MEX3D: variants seen among roughly 807,000 people sequenced by gnomAD.
MEX3D encodes RNA-binding protein MEX3D.
A neutral mutation model predicts 6.3 loss-of-function variants in MEX3D; 4 were observed. The observed-to-expected ratio is 0.64, with a 90% CI of 0.31 to 1.46. The LOEUF is 1.46. Among genes scored for constraint, MEX3D ranks in the 40% most tolerant of loss-of-function variants. MEX3D has a pLI of 0.07. For synonymous variants in MEX3D, 626 were observed against 494.1 expected (o/e 1.27, Z -3.54); for missense variants, 1,038 against 994.4 (o/e 1.04, Z -0.59).
chr19:1,562,917 C>T (rs1307203889), intron 1 of MEX3D, among the ~76,000 whole-genome samples: 1 of 152,036 alleles, frequency 6.6e-6, no homozygotes, highest in Non-Finnish European at 1.5e-5. Flanking sequence ...ACTCGGGAGG[C>T]TGAGGTGAAA....
At position 1,555,863 on chromosome 19, in the gene MEX3D, G is replaced by GAAGGAT. The variant is rs1914526384; in HGVS notation, c.1650_1655dup (p.Ser551_Phe552insLeuSer). 1 of 1,329,286 alleles carries GAAGGAT rather than the reference G, an allele frequency of 7.5e-7. No homozygotes were observed. Among genetic ancestry groups the GAAGGAT allele is most frequent in the African/African-American group, 1.6e-5 (1 of 63,590 alleles). 82.3% of individuals were successfully genotyped at this position (1,329,286 alleles called of 1,614,324 possible). On this transcript the variant is annotated inframe_insertion, in exon 2 of 2. Coordinates refer to ENST00000402693, the MANE Select transcript of MEX3D (RefSeq NM_203304.4). Reference sequence around the variant, plus strand: ...CCGTGGAGAAGGCGGCGCCGCCTGGGAAGGATACGGGGCCCTGCGGGGGTC... The same window carrying GAAGGAT: ...CCGTGGAGAAGGCGGCGCCGCCTGGGAAGGATAAGGATACGGGGCCCTGCGGGGGTC...
intron 1 of MEX3D, among the ~76,000 whole-genome samples, chr19:1,561,561 A>G (rs1489641754): frequency 1.3e-5 from 2 of 152,168 alleles, no homozygotes; most frequent in Non-Finnish European, 2.9e-5. Context: ...GGCCAGGAAC[A>G]GTGGCTCACA....
Position 1,556,799 on chromosome 19 carries a change from G to A in MEX3D, c.720C>T (p.Ile240=). ...TGGAGAAGTGTTCGGCCGCCGACAG[G>A]ATCTCACGCTTGGCCATCTCCACGT... The part of the protein sequence containing the change: ...KEDVEMAKRE[I]LSAAEHFSII... The change falls in exon 2 of 2, where the codon ATC becomes ATT. Residue 240 remains isoleucine (I), a synonymous_variant. Transcript: ENST00000402693. This position sits in a 1 kb window ranked among gnomAD's most constrained non-coding sequence, Gnocchi z 7.5. The A allele has an allele frequency of 6.2e-7, 1 of 1,612,634 alleles. No homozygotes were observed. The highest frequency in any genetic ancestry group is 8.5e-7 in the Non-Finnish European group (1 of 1,179,802).
At position 1,555,448 on chromosome 19, in the gene MEX3D, CTCGGCCTCCG is replaced by C; in HGVS notation, c.*105_*114del. ...TGGCCGCCGCCCACCCCCCTGCCCC[CTCGGCCTCCG>C]CCCCTCGCCCCCTCCCCGTCCCTCT... On this transcript the variant is annotated 3_prime_UTR_variant, in exon 2 of 2. Transcript: ENST00000402693. 3.5e-6 allele frequency: 5 copies of C among 1,447,250 alleles called. No homozygotes were observed. Among genetic ancestry groups the C allele is most frequent in the African/African-American group, 1.5e-5 (1 of 68,712 alleles). The allele number at this position is 1,447,250 out of a possible 1,614,324, so 89.7% of individuals were successfully genotyped here.
chr19:1,566,603 G>A (rs998821070), intron 1 of MEX3D, among the ~76,000 whole-genome samples: 2 of 152,096 alleles, frequency 1.3e-5, no homozygotes, highest in African/African-American at 4.8e-5. Flanking sequence ...GAAGGCAGGA[G>A]AAAGTTGAGG....
Position 1,556,640 on chromosome 19 carries a change from G to C in MEX3D, c.879C>G (p.Gly293=). Residue 293 remains glycine (G), a synonymous_variant, in exon 2 of 2, where the codon GGC becomes GGG. Coordinates refer to ENST00000402693, the MANE Select transcript of MEX3D (RefSeq NM_203304.4). This position sits in a 1 kb window ranked among gnomAD's most constrained non-coding sequence, Gnocchi z 7.5. ...GCTGCTGGATGCGCTTGATGGTGGC[G>C]CCCTTGGGCCCCACCACCAGCCCCA... The part of the protein sequence containing the change: ...RVVGLVVGPK[G]ATIKRIQQRT... The C allele has an allele frequency of 6.2e-7, 1 of 1,610,448 alleles. No homozygotes were observed. Among genetic ancestry groups the C allele is most frequent in the Non-Finnish European group, 8.5e-7 (1 of 1,179,112 alleles).
Position 1,567,375 on chromosome 19 carries a change from C to CGGGCT in MEX3D, c.595+84_595+88dup, listed in dbSNP as rs1914868500. On this transcript the variant is annotated intron_variant, in intron 1 of 1. Coordinates refer to ENST00000402693, the MANE Select transcript of MEX3D (RefSeq NM_203304.4). This position sits in a 1 kb window ranked among gnomAD's most constrained non-coding sequence, Gnocchi z 6.5. ...CGTGTCCGGTGCGGGGCGTCCGGCG[C>CGGGCT]GGGCTGGGCTGGGCTCGGGCGACCC... The CGGGCT allele has an allele frequency of 2.2e-6, 3 of 1,351,398 alleles. No individual in the cohort carries two copies. Among genetic ancestry groups the CGGGCT allele is most frequent in the East Asian group, 3.1e-5 (1 of 31,900 alleles). The allele number at this position is 1,351,398 out of a possible 1,614,324, so 83.7% of individuals were successfully genotyped here. A position where few individuals can be genotyped will look rare whatever the true frequency, so the allele number is the denominator to read the frequency against.
At chr19:1,562,195 A>G (rs1391851763) in intron 1 of MEX3D, among the ~76,000 whole-genome samples, 1 of 148,776 alleles carries the variant, frequency 6.7e-6, no homozygotes, top group Non-Finnish European at 1.5e-5. Flanking sequence ...TGGGAGATGG[A>G]GGTTGCAGTG....
Position 1,567,431 on chromosome 19 carries a change from C to G in MEX3D, c.595+33G>C, listed in dbSNP as rs748756642. The G allele has an allele frequency of 1.3e-6, 2 of 1,547,084 alleles. No homozygotes were observed. Among genetic ancestry groups the G allele is most frequent in the East Asian group, 5.4e-5 (2 of 37,300 alleles). ...CCCGGGGCGGACGGTGCGGGGACCCCCAGGACAGCAACCCCCGACGAGGGC... is the reference window on the plus strand; with the variant it reads ...CCCGGGGCGGACGGTGCGGGGACCCGCAGGACAGCAACCCCCGACGAGGGC... On this transcript the variant is annotated intron_variant, in intron 1 of 1. Transcript: ENST00000402693. This position sits in a 1 kb window ranked among gnomAD's most constrained non-coding sequence, Gnocchi z 6.5.
At chr19:1,559,838 G>A (rs2145572325) in intron 1 of MEX3D, among the ~76,000 whole-genome samples, 1 of 152,200 alleles carries the variant, frequency 6.6e-6, no homozygotes, top group East Asian at 1.9e-4. Context: ...GGGTGGCGGG[G>A]GTGCACCCAC....
chr19:1,562,836 G>A (rs1475543887), intron 1 of MEX3D, among the ~76,000 whole-genome samples: 3 of 151,982 alleles, frequency 2.0e-5, no homozygotes, highest in African/African-American at 4.8e-5. Context: ...CCAACATGGC[G>A]AAACCCCGTC....
chr19:1,561,359 C>T (rs775676013), intron 1 of MEX3D, among the ~76,000 whole-genome samples: 2 of 152,180 alleles, frequency 1.3e-5, no homozygotes, highest in Non-Finnish European at 2.9e-5. Flanking sequence ...AGAAGCAGGA[C>T]GGGGCGAGAA....
intron 1 of MEX3D, among the ~76,000 whole-genome samples, chr19:1,566,214 C>G (rs992184256): frequency 6.6e-5 from 10 of 152,174 alleles, no homozygotes; most frequent in Admixed American, 1.3e-4. Context: ...CCCAGTCCCT[C>G]CCCACCCACC....
At chr19:1,561,866 G>C (rs1207265503) in intron 1 of MEX3D, among the ~76,000 whole-genome samples, 1 of 152,010 alleles carries the variant, frequency 6.6e-6, no homozygotes, top group African/African-American at 2.4e-5. Context: ...AGGCTGGTCT[G>C]GAACTCTTGG....
rs1914912218 is a variant in MEX3D at position 1,568,303 on chromosome 19, T to TCGGCGGCCGAGG, written c.-257_-246dup. ...CGGCGGCGACGGCGGCGGCGGCTCC[T>TCGGCGGCCGAGG]CGGCGGCCGAGGCGGCGGCGGCGGC... On this transcript the variant is annotated 5_prime_UTR_variant, in exon 1 of 2. Transcript: ENST00000402693. Among the ~76,000 whole-genome samples, 1 of 133,546 alleles carries TCGGCGGCCGAGG rather than the reference T, an allele frequency of 7.5e-6. No individual in the cohort carries two copies. The highest frequency in any genetic ancestry group is 2.6e-4 in the East Asian group (1 of 3,842). The allele number at this position is 133,546 out of a possible 152,430, so 87.6% of individuals were successfully genotyped here. A position where few individuals can be genotyped will look rare whatever the true frequency, so the allele number is the denominator to read the frequency against.
chr19:1,567,746 CG>C lies in MEX3D; in HGVS notation c.312del (p.Asp105ThrfsTer63). 9.5e-6 allele frequency: 9 copies of C among 951,868 alleles called. No individual in the cohort carries two copies. The highest frequency in any genetic ancestry group is 1.1e-5 in the Non-Finnish European group (9 of 800,510). The allele number at this position is 951,868 out of a possible 1,614,324, so 59.0% of individuals were successfully genotyped here. A position where few individuals can be genotyped will look rare whatever the true frequency, so the allele number is the denominator to read the frequency against. On this transcript the variant is annotated frameshift_variant, in exon 1 of 2. Coordinates refer to ENST00000402693, the MANE Select transcript of MEX3D (RefSeq NM_203304.4). LOFTEE classifies it high-confidence loss of function. The surrounding 1 kb of genome is among the most constrained non-coding windows in gnomAD (Gnocchi z 6.5). ...DGGAAPEPVP[P>X]DGPEAGAPPT... ...GGGGGCGCGCCGGCCTCAGGTCCGT[CG>C]GGGGGCACAGGCTCCGGAGCCGCCC...
chr19:1,557,150 G>C (rs1050738878), intron 1 of MEX3D, among the ~76,000 whole-genome samples: 8 of 152,208 alleles, frequency 5.3e-5, no homozygotes, highest in African/African-American at 1.4e-4. Flanking sequence ...CCTGTTTTAG[G>C]TTGAAAGGTG....
intron 1 of MEX3D, among the ~76,000 whole-genome samples, chr19:1,557,945 G>A (rs1914618567): frequency 6.9e-6 from 1 of 144,652 alleles, no homozygotes; most frequent in African/African-American, 2.6e-5. Context: ...CCCAGCCACT[G>A]GGGAGGGCTG....
rs749058142 is a variant in MEX3D, at chr19:1,556,326, G to T, written c.1193C>A (p.Ala398Asp). ...AGLRGDTALG[A>D]PSAPEAFYAG... Reference sequence around the variant, plus strand: ...GTAGAAGGCCTCGGGGGCGCTGGGGGCGCCCAGGGCCGTGTCCCCGCGGAG... The same window carrying T: ...GTAGAAGGCCTCGGGGGCGCTGGGGTCGCCCAGGGCCGTGTCCCCGCGGAG... Residue 398 changes from alanine (A) to aspartate (D), a missense_variant, in exon 2 of 2, where the codon GCC becomes GAC. This residue lies in a region of MEX3D where 581 missense variants were observed against 516.2 expected (regional missense o/e 1.13). Coordinates refer to ENST00000402693, the MANE Select transcript of MEX3D (RefSeq NM_203304.4). The surrounding 1 kb of genome is among the most constrained non-coding windows in gnomAD (Gnocchi z 7.5). The T allele has an allele frequency of 3.7e-6, 5 of 1,335,798 alleles. No homozygotes were observed. The Admixed American group carries it at 1.6e-4, about 44-fold the overall frequency. 82.7% of individuals were successfully genotyped at this position (1,335,798 alleles called of 1,614,324 possible).
Sources: allele counts gnomAD v4.1 joint callset (sites outside exome capture counted in the v4.1 genomes callset), GRCh38; gene constraint gnomAD v4.1.1; regional missense constraint gnomAD v4.1.1; non-coding constraint Gnocchi (gnomAD v3.1); transcripts MANE v1.5; gene names NCBI Gene and HGNC (gene_info 2026-07-23, HGNC 2026-07-21).